MAP4K1: variants seen among roughly 807,000 people sequenced by gnomAD.
The protein encoded by MAP4K1 is mitogen-activated protein kinase kinase kinase kinase 1.
MAP4K1 carries 35 observed loss-of-function variants against 122.8 expected under a neutral mutation model. The ratio of observed to expected loss-of-function variants is 0.29; its 90% confidence interval spans 0.22 to 0.38. The LOEUF is 0.38. Ranked by LOEUF, MAP4K1 falls within the 10% of genes least tolerant of loss-of-function variation. The probability of loss-of-function intolerance (pLI) is 1.00; values close to 1 mark genes in which losing one functional copy is unlikely to be tolerated. For synonymous variants in MAP4K1, 412 were observed against 421.3 expected, an observed-to-expected ratio of 0.98 and a Z score of 0.27; for missense variants, 791 against 1,072.6, an observed-to-expected ratio of 0.74 and a Z score of 3.67.
chr19:38,597,009 C>T lies in MAP4K1; in HGVS notation c.1941+25G>A. On this transcript the variant is annotated intron_variant, in intron 25 of 30. Transcript: ENST00000396857. This position sits in a 1 kb window ranked among gnomAD's most constrained non-coding sequence, Gnocchi z 4.6. ...CCTTAGCCACCCACTCCTCAGAGTT[C>T]CCAGCACCCTCCCAAGCCCCTTACC... 6.2e-7 allele frequency: 1 copy of T among 1,609,842 alleles called. No individual in the cohort carries two copies. Among genetic ancestry groups the T allele is most frequent in the Non-Finnish European group, 8.5e-7 (1 of 1,176,120 alleles).
chr19:38,613,106 G>A (rs1437982064), intron 8 of MAP4K1, among the ~76,000 whole-genome samples: 8 of 152,006 alleles, frequency 5.3e-5, no homozygotes, highest in African/African-American at 1.5e-4. Flanking sequence ...TGAGGAGTTC[G>A]AGACCAGCCT....
At chr19:38,610,471 C>T (rs1398832059) in intron 11 of MAP4K1, among the ~76,000 whole-genome samples, 5 of 150,680 alleles carry the variant, frequency 3.3e-5, no homozygotes, top group Admixed American at 6.6e-5. Flanking sequence ...CTATAGCCTC[C>T]GCCTCCTGGG....
rs556605794 is a variant in MAP4K1 at position 38,617,013 on chromosome 19, C to T, written c.248+341G>A. ...CTGTAATCCCAGCACTTTCGGAGGC[C>T]GAGGCGAGTGGATCACAAGGTCAGG... On this transcript the variant is annotated intron_variant, in intron 3 of 30. Coordinates refer to ENST00000396857, the MANE Select transcript of MAP4K1 (RefSeq NM_001042600.3). This position sits in a 1 kb window ranked among gnomAD's most constrained non-coding sequence, Gnocchi z 4.1. Among the ~76,000 whole-genome samples, 20 of 151,956 alleles carry T rather than the reference C, an allele frequency of 1.3e-4. No individual in the cohort carries two copies. In the East Asian group the frequency reaches 3.1e-3, roughly 24 times the overall value.
intron 26 of MAP4K1, 87 bp from the exon 27 acceptor site, chr19:38,596,088 G>A: frequency 1.4e-6 from 2 of 1,406,816 alleles, no homozygotes; most frequent in Non-Finnish European, 2.0e-6. Context: ...CTGTGCTTTA[G>A]CCACCGCCTC....
At chr19:38,604,676 G>A (rs1975270648) in intron 19 of MAP4K1, among the ~76,000 whole-genome samples, 1 of 151,764 alleles carries the variant, frequency 6.6e-6, no homozygotes, top group African/African-American at 2.4e-5. Context: ...TGTAGTCCCA[G>A]CTACTCGGGA....
rs1487348426 is a variant in MAP4K1 at position 38,614,008 on chromosome 19, G to A, written c.460+35C>T. ...GGTCCACTGCGCTTCCGGCCCCCCA[G>A]TCAGCCCCCCTGCTCAACCCCCAGC... is the stretch of plus-strand genomic sequence containing the variant. On this transcript the variant is annotated intron_variant, in intron 7 of 30. Transcript: ENST00000396857. 4 of 1,613,022 alleles carry A rather than the reference G, an allele frequency of 2.5e-6. No homozygotes were observed. In the South Asian group the frequency reaches 4.4e-5, roughly 18 times the overall value.
In MAP4K1 at chr19:38,611,317, G is replaced by C; in HGVS notation, c.666-12C>G. 1.2e-6 allele frequency: 2 copies of C among 1,604,740 alleles called. No homozygotes were observed. The highest frequency in any genetic ancestry group is 1.7e-6 in the Non-Finnish European group (2 of 1,171,672). ...TGAGGAAGAGAACTCTAGAATAGTA[G>C]GGAAAGGACATGGGGTTCAGACCCT... is the stretch of plus-strand genomic sequence containing the variant. On this transcript the variant is annotated splice_polypyrimidine_tract_variant and intron_variant, in intron 9 of 30. Transcript: ENST00000396857.
intron 22 of MAP4K1, among the ~76,000 whole-genome samples, chr19:38,598,772 G>T (rs1423607323): frequency 6.6e-6 from 1 of 152,116 alleles, no homozygotes. Context: ...CCAGCACTTT[G>T]GGGGGCTGAG....
At chr19:38,592,341 A>C (rs1183486557) in intron 30 of MAP4K1, 2 of 151,308 alleles carry the variant, frequency 1.3e-5, no homozygotes. Context: ...TTGGGAGGCC[A>C]AGGCAGCTGG....
chr19:38,601,142 T>C (rs527499166), intron 20 of MAP4K1, among the ~76,000 whole-genome samples: 34 of 151,756 alleles, frequency 2.2e-4, no homozygotes, highest in African/African-American at 8.0e-4. Context: ...AGAGACGGGG[T>C]TTCACCATGT....
intron 15 of MAP4K1, 33 bp downstream of exon 15, chr19:38,607,957 A>G (rs867011269): frequency 6.2e-7 from 1 of 1,611,698 alleles, no homozygotes; most frequent in Middle Eastern, 1.7e-4. Context: ...TCCACATTCC[A>G]GCCCCCTCCC....
intron 19 of MAP4K1, 144 bp from the exon 20 acceptor site, chr19:38,601,669 C>T: frequency 1.7e-6 from 1 of 596,904 alleles, no homozygotes; most frequent in Admixed American, 3.5e-5. Context: ...TAATCTATCC[C>T]TGTAATACAC....
chr19:38,614,534 G>T, intron 4 of MAP4K1, 89 bp from the exon 5 acceptor site: 1 of 1,392,188 alleles, frequency 7.2e-7, no homozygotes, highest in Non-Finnish European at 1.0e-6. Context: ...CCAGCTAAGA[G>T]GGTGCCATAG....
intron 30 of MAP4K1, among the ~76,000 whole-genome samples, chr19:38,590,899 A>G (rs1194673331): frequency 1.3e-5 from 2 of 152,064 alleles, no homozygotes. Context: ...GGAAACATAC[A>G]CTGAAGTATT....
chr19:38,601,599 G>C, intron 19 of MAP4K1, 74 bp from the exon 20 acceptor site: 1 of 1,135,476 alleles, frequency 8.8e-7, no homozygotes, highest in Non-Finnish European at 1.3e-6. Context: ...CAGTGGTTAC[G>C]ACTTTGGAGC....
At chr19:38,610,150 G>T in intron 11 of MAP4K1, 125 bp from the exon 12 acceptor site, 1 of 653,526 alleles carries the variant, frequency 1.5e-6, no homozygotes, top group Non-Finnish European at 2.7e-6. Flanking sequence ...GGGAGAAGGT[G>T]CCAGTGAAGG....
chr19:38,600,443 T>A (rs1002369983), intron 20 of MAP4K1, among the ~76,000 whole-genome samples: 3 of 152,010 alleles, frequency 2.0e-5, no homozygotes, highest in Non-Finnish European at 4.4e-5. Context: ...TCCCCCAAAA[T>A]AGTCCTCTGA....
At chr19:38,596,260 G>A in intron 26 of MAP4K1, 52 bp downstream of exon 26, 2 of 1,489,220 alleles carry the variant, frequency 1.3e-6, no homozygotes, top group Non-Finnish European at 1.8e-6. Flanking sequence ...CTCCAGCTCC[G>A]CCCCTCCGGA....
chr19:38,610,064 T>A, intron 11 of MAP4K1, 39 bp from the exon 12 acceptor site: 6 of 1,451,068 alleles, frequency 4.1e-6, no homozygotes, highest in Non-Finnish European at 5.8e-6. Context: ...AGAGGGATGG[T>A]GTGGACAGAG....
Sources: allele counts gnomAD v4.1 joint callset (sites outside exome capture counted in the v4.1 genomes callset), GRCh38; gene constraint gnomAD v4.1.1; non-coding constraint Gnocchi (gnomAD v3.1); transcripts MANE v1.5; gene names NCBI Gene and HGNC (gene_info 2026-07-23, HGNC 2026-07-21).